Variants in ADAM12 observed in about 807,000 individuals in gnomAD.
ADAM12 encodes disintegrin and metalloproteinase domain-containing protein 12.
A neutral mutation model predicts 106.4 loss-of-function variants in ADAM12; 70 were observed. The observed-to-expected ratio is 0.66, with a 90% CI of 0.54 to 0.80. The LOEUF is 0.80. Among genes scored for constraint, ADAM12 ranks in the 30% least tolerant of loss-of-function variants. The pLI is 0.00. For missense variants in ADAM12, 1,010 were observed against 1,171.9 expected (o/e 0.86, Z 2.02); for synonymous variants, 420 against 433.5 (o/e 0.97, Z 0.39).
At chr10:126,102,703 G>A (rs17154276) in intron 8 of ADAM12, among the ~76,000 whole-genome samples, 10,445 of 152,286 alleles carry the variant, frequency 0.069, 431 homozygotes, top group South Asian at 0.15. Context: ...TTACATTAAT[G>A]AGTTAACGAG....
At chr10:126,144,758 G>C (rs988131062) in intron 4 of ADAM12, among the ~76,000 whole-genome samples, 1 of 152,170 alleles carries the variant, frequency 6.6e-6, no homozygotes, top group African/African-American at 2.4e-5. Flanking sequence ...ATTTCAGAAG[G>C]AACATATGGT....
intron 18 of ADAM12, chr10:126,041,347 T>A: frequency 1.0e-6 from 1 of 985,802 alleles, no homozygotes; most frequent in Non-Finnish European, 1.2e-6. Context: ...GCAGCGGTAT[T>A]TCAAATGCAC....
intron 11 of ADAM12, among the ~76,000 whole-genome samples, chr10:126,085,262 T>C (rs1394738285): frequency 6.6e-6 from 1 of 152,232 alleles, no homozygotes; most frequent in Non-Finnish European, 1.5e-5. Flanking sequence ...GTATTGTGTG[T>C]ATCATTGCAA....
chr10:126,332,659 G>A (rs1854562263), intron 1 of ADAM12, among the ~76,000 whole-genome samples: 1 of 152,220 alleles, frequency 6.6e-6, no homozygotes, highest in Non-Finnish European at 1.5e-5. Context: ...ATGATGAGAA[G>A]CCTCCAGCTG....
chr10:126,149,225 G>A (rs906728420), intron 4 of ADAM12, among the ~76,000 whole-genome samples: 4 of 152,190 alleles, frequency 2.6e-5, no homozygotes, highest in South Asian at 2.1e-4. Context: ...ACAGAGTCCC[G>A]CACCACATGG....
At chr10:126,350,476 C>A (rs1013193008) in intron 1 of ADAM12, among the ~76,000 whole-genome samples, 1 of 152,210 alleles carries the variant, frequency 6.6e-6, no homozygotes, top group Non-Finnish European at 1.5e-5. Context: ...GGGACAGAGA[C>A]AGCTGCCTGG....
chr10:126,093,849 T>C, intron 11 of ADAM12, 136 bp downstream of exon 11: 1 of 1,373,342 alleles, frequency 7.3e-7, no homozygotes, highest in Non-Finnish European at 1.0e-6. Flanking sequence ...CCCTTGCTTC[T>C]TGGGAAGGAA....
chr10:126,017,898 G>A (rs1953689568), intron 22 of ADAM12, among the ~76,000 whole-genome samples: 1 of 152,216 alleles, frequency 6.6e-6, no homozygotes, highest in Non-Finnish European at 1.5e-5. Context: ...GCCACAGCTT[G>A]AGGGCATTTA....
At position 126,064,837 on chromosome 10, in the gene ADAM12, G is replaced by C; in HGVS notation, c.1578C>G (p.His526Gln). The C allele has an allele frequency of 1.2e-6, 2 of 1,610,850 alleles. No individual in the cohort carries two copies. The highest frequency in any genetic ancestry group is 1.7e-6 in the Non-Finnish European group (2 of 1,178,684). Residue 526 changes from histidine to glutamine, a missense_variant, in exon 14 of 23, where the codon CAC (histidine) becomes CAG (glutamine). By Grantham distance (24) the His-to-Gln change is conservative (BLOSUM62 0). This residue lies in a region of ADAM12 where 615 missense variants were observed against 708.5 expected (regional missense o/e 0.87). Coordinates refer to ENST00000448723, the MANE Select transcript of ADAM12 (RefSeq NM_001288973.2). The surrounding 1 kb of genome is among the most constrained non-coding windows in gnomAD (Gnocchi z 4.4). ...CCCAGAGCGTGACACACTGCTGCTC[G>C]TGAGTCTGGCAGATGCCATTGTAGC... ...GYCYNGICQT[H>Q]EQQCVTLWGP...
intron 2 of ADAM12, among the ~76,000 whole-genome samples, chr10:126,296,032 A>T (rs1165003784): frequency 6.6e-6 from 1 of 152,170 alleles, no homozygotes; most frequent in Non-Finnish European, 1.5e-5. Flanking sequence ...GGAACAGTCC[A>T]TGAAGGGCAG....
intron 3 of ADAM12, among the ~76,000 whole-genome samples, chr10:126,242,183 G>A (rs991615863): frequency 3.9e-5 from 6 of 152,072 alleles, no homozygotes; most frequent in South Asian, 4.1e-4. Flanking sequence ...ATCTTCATTT[G>A]TGATTGATTT....
rs1301863410 is a variant in ADAM12 at position 126,015,145 on chromosome 10, C to G, written c.*2134G>C. On this transcript the variant is annotated 3_prime_UTR_variant, in exon 23 of 23. Transcript: ENST00000448723. Reference sequence around the variant, plus strand: ...AAGAATGTGTCATCAGCCATGGCCCCTAAGTGGCCATTGATGACATGGCAT... The same window carrying G: ...AAGAATGTGTCATCAGCCATGGCCCGTAAGTGGCCATTGATGACATGGCAT... 1 of 152,186 alleles carries G rather than the reference C, an allele frequency of 6.6e-6. No individual in the cohort carries two copies. The highest frequency in any genetic ancestry group is 1.5e-5 in the Non-Finnish European group (1 of 68,038). 9.4% of individuals were successfully genotyped at this position (152,186 alleles called of 1,614,324 possible).
At chr10:126,369,484 C>A (rs1042799742) in intron 1 of ADAM12, among the ~76,000 whole-genome samples, 1 of 152,244 alleles carries the variant, frequency 6.6e-6, no homozygotes, top group East Asian at 1.9e-4. Flanking sequence ...GACCAAGAAC[C>A]GGCTGCCTGT....
intron 12 of ADAM12, among the ~76,000 whole-genome samples, chr10:126,068,847 T>C (rs1351469647): frequency 6.6e-6 from 1 of 152,234 alleles, no homozygotes; most frequent in Non-Finnish European, 1.5e-5. Flanking sequence ...AAGCCCTAAT[T>C]GTCATTCTCA....
chr10:126,306,483 A>G (rs999743020), intron 2 of ADAM12, among the ~76,000 whole-genome samples: 2 of 152,178 alleles, frequency 1.3e-5, no homozygotes, highest in African/African-American at 4.8e-5. Context: ...TGCTCTTTCT[A>G]TAGTTCTATG....
intron 4 of ADAM12, among the ~76,000 whole-genome samples, chr10:126,153,054 G>T (rs1182601661): frequency 6.6e-6 from 1 of 152,170 alleles, no homozygotes; most frequent in African/African-American, 2.4e-5. Context: ...TGCTGCTGGT[G>T]ATCAGTTTCC....
chr10:126,158,493 G>A (rs1277298091), intron 3 of ADAM12, among the ~76,000 whole-genome samples: 1 of 129,780 alleles, frequency 7.7e-6, no homozygotes, highest in Non-Finnish European at 1.6e-5. Context: ...GATGCACAGA[G>A]CACGGAGAGA....
At chr10:126,084,801 G>T (rs565180081) in intron 11 of ADAM12, among the ~76,000 whole-genome samples, 2 of 152,266 alleles carry the variant, frequency 1.3e-5, no homozygotes, top group Non-Finnish European at 2.9e-5. Flanking sequence ...AGGCTCACAG[G>T]TACCCAGTGA....
At position 126,066,580 on chromosome 10, in the gene ADAM12, G is replaced by T; in HGVS notation, c.1413+137C>A. The T allele has an allele frequency of 1.3e-6, 1 of 751,108 alleles. No individual in the cohort carries two copies. The highest frequency in any genetic ancestry group is 1.7e-5 in the South Asian group (1 of 57,950). The allele number at this position is 751,108 out of a possible 1,614,324, so 46.5% of individuals were successfully genotyped here. A position where few individuals can be genotyped will look rare whatever the true frequency, so the allele number is the denominator to read the frequency against. ...CAGTAAGAGGTGGGTAACACCAACT[G>T]GCGTGAGAAGGAGGGATGGTGCGTG... On this transcript the variant is annotated intron_variant, in intron 13 of 22. Transcript: ENST00000448723. The surrounding 1 kb of genome is among the most constrained non-coding windows in gnomAD (Gnocchi z 5.1).
Sources: gnomAD v4.1 joint callset for allele counts (sites outside exome capture counted in the v4.1 genomes callset) on GRCh38, gnomAD v4.1.1 for gene constraint, gnomAD v4.1.1 regional missense constraint, Gnocchi (gnomAD v3.1) non-coding constraint, MANE v1.5 for transcripts, NCBI Gene and HGNC (gene_info 2026-07-23, HGNC 2026-07-21) for gene names.